Variants in FUT8 observed in about 807,000 individuals in gnomAD.
FUT8 encodes alpha-(1,6)-fucosyltransferase.
Under a neutral mutation model 71.3 loss-of-function variants are expected in FUT8, and 29 were observed. The observed-to-expected ratio is 0.41, with a 90% CI of 0.30 to 0.55. The LOEUF (loss-of-function observed/expected upper bound fraction) is 0.55, where lower values mean the gene tolerates loss of function less well. Among genes scored for constraint, FUT8 ranks in the 20% least tolerant of loss-of-function variants. FUT8 has a pLI of 0.34. For synonymous variants in FUT8, 254 were observed against 239.3 expected (o/e 1.06, Z -0.57); for missense variants, 544 against 702.1 (o/e 0.77, Z 2.55).
intron 7 of FUT8, among the ~76,000 whole-genome samples, chr14:65,713,522 G>A (rs990186332): frequency 6.6e-6 from 1 of 152,190 alleles, no homozygotes; most frequent in African/African-American, 2.4e-5. Flanking sequence ...CCCACCAACA[G>A]TGTATGAGGG....
At chr14:65,588,710 A>G (rs1163870003) in intron 3 of FUT8, among the ~76,000 whole-genome samples, 1 of 68,098 alleles carries the variant, frequency 1.5e-5, no homozygotes, top group Admixed American at 1.7e-4. Flanking sequence ...TGAAAATAAG[A>G]TATTTTGAGA....
At chr14:65,525,248 A>G (rs1883371205) in intron 2 of FUT8, among the ~76,000 whole-genome samples, 1 of 152,088 alleles carries the variant, frequency 6.6e-6, no homozygotes, top group Non-Finnish European at 1.5e-5. Context: ...AGAGCCTGTG[A>G]TTGGTCTATT....
At chr14:65,700,783 T>C (rs1894254111) in intron 7 of FUT8, among the ~76,000 whole-genome samples, 1 of 152,224 alleles carries the variant, frequency 6.6e-6, no homozygotes, top group Non-Finnish European at 1.5e-5. Flanking sequence ...TTTGGATTTT[T>C]GTAAGCTTTG....
intron 5 of FUT8, among the ~76,000 whole-genome samples, chr14:65,621,660 C>A (rs576969336): frequency 5.9e-5 from 9 of 152,304 alleles, no homozygotes; most frequent in African/African-American, 2.2e-4. Context: ...CTCCCGAGTT[C>A]AAGCGATTAT....
intron 6 of FUT8, among the ~76,000 whole-genome samples, chr14:65,654,182 A>G (rs1394669067): frequency 6.6e-6 from 1 of 152,240 alleles, no homozygotes; most frequent in Non-Finnish European, 1.5e-5. Flanking sequence ...TGGGGAGAGT[A>G]AAGGAACCTA....
chr14:65,521,963 A>T (rs1848903562), intron 2 of FUT8, among the ~76,000 whole-genome samples: 1 of 152,020 alleles, frequency 6.6e-6, no homozygotes, highest in African/African-American at 2.4e-5. Flanking sequence ...GTTATGCATG[A>T]GAAGACATGT....
chr14:65,385,538 G>C, the FUT8 span, among the ~76,000 whole-genome samples: 1 of 151,732 alleles, frequency 6.6e-6, no homozygotes, highest in African/African-American at 2.4e-5. Flanking sequence ...GTACATTAAT[G>C]GTTTTGACTC....
Position 65,700,881 on chromosome 14 carries a change from A to G in FUT8, c.836-20894A>G, listed in dbSNP as rs1594914411. Among the ~76,000 whole-genome samples the G allele has an allele frequency of 3.3e-5, 5 of 152,330 alleles. No individual in the cohort carries two copies. In the South Asian group the frequency reaches 1.0e-3, roughly 32 times the overall value. ...GGGGATCACCACTCTTTTAAATAAA[A>G]TGATTTGTCTTCTTTATTAGACCAT... On this transcript the variant is annotated intron_variant, in intron 7 of 10. Coordinates refer to ENST00000673929, the MANE Select transcript of FUT8 (RefSeq NM_001371533.1).
the FUT8 span, among the ~76,000 whole-genome samples, chr14:65,382,065 C>T: frequency 4.6e-5 from 7 of 152,226 alleles, no homozygotes; most frequent in Admixed American, 4.6e-4. Flanking sequence ...GGCTTCTTCC[C>T]ATTCTTCTTT....
At chr14:65,409,823 AC>A (rs1209919894), upstream of FUT8, among the ~76,000 whole-genome samples, 1 of 152,238 alleles carries the variant, frequency 6.6e-6, no homozygotes, top group Non-Finnish European at 1.5e-5. This position sits in a 1 kb window ranked among gnomAD's most constrained non-coding sequence, Gnocchi z 5.4. Flanking sequence ...ACAGATCATA[AC>A]GATTGTTCTG....
At chr14:65,645,667 A>G (rs1371064940) in intron 6 of FUT8, among the ~76,000 whole-genome samples, 3 of 152,230 alleles carry the variant, frequency 2.0e-5, no homozygotes, top group Non-Finnish European at 2.9e-5. Context: ...AATGGTTCAT[A>G]TAATTGCTTG....
chr14:65,547,285 C>T (rs1885037202), intron 2 of FUT8, among the ~76,000 whole-genome samples: 1 of 151,492 alleles, frequency 6.6e-6, no homozygotes, highest in Admixed American at 6.6e-5. Context: ...CGTATTTCAC[C>T]AAACTTTCAA....
intron 2 of FUT8, among the ~76,000 whole-genome samples, chr14:65,485,276 CTGGT>C (rs2066392166): frequency 6.6e-6 from 1 of 152,186 alleles, no homozygotes; most frequent in East Asian, 1.9e-4. Flanking sequence ...CTTTGCATAT[CTGGT>C]AATCTTCAGC....
At chr14:65,616,399 T>C in intron 5 of FUT8, 26 bp downstream of exon 5, 1 of 1,524,868 alleles carries the variant, frequency 6.6e-7, no homozygotes. Context: ...CACATTTTAT[T>C]TGGGCTTTAG....
intron 3 of FUT8, among the ~76,000 whole-genome samples, chr14:65,587,205 A>T (rs1049176809): frequency 6.6e-6 from 1 of 151,690 alleles, no homozygotes; most frequent in Non-Finnish European, 1.5e-5. Context: ...AAAAAAAACA[A>T]AAAAAACTAA....
intron 3 of FUT8, among the ~76,000 whole-genome samples, chr14:65,600,547 T>C (rs540034705): frequency 6.6e-6 from 1 of 152,238 alleles, no homozygotes; most frequent in South Asian, 2.1e-4. Flanking sequence ...GGGGATGGGT[T>C]AAGAGATGAT....
At chr14:65,601,977 A>T (rs1054269054) in intron 3 of FUT8, among the ~76,000 whole-genome samples, 11 of 152,020 alleles carry the variant, frequency 7.2e-5, no homozygotes, top group African/African-American at 2.2e-4. Flanking sequence ...GATGGTTTTT[A>T]AAAAAATTTT....
At chr14:65,382,513 T>C in the FUT8 span, among the ~76,000 whole-genome samples, 1 of 152,108 alleles carries the variant, frequency 6.6e-6, no homozygotes, top group Non-Finnish European at 1.5e-5. Flanking sequence ...TTTTTTAAAA[T>C]GTTTTTAGTA....
intron 2 of FUT8, among the ~76,000 whole-genome samples, chr14:65,517,624 T>C (rs1882800696): frequency 6.6e-6 from 1 of 152,174 alleles, no homozygotes; most frequent in Admixed American, 6.6e-5. Context: ...CATATCAACA[T>C]GGAAATTAGA....
Sources: allele counts gnomAD v4.1 joint callset (sites outside exome capture counted in the v4.1 genomes callset), GRCh38; gene constraint gnomAD v4.1.1; non-coding constraint Gnocchi (gnomAD v3.1); transcripts MANE v1.5; gene names NCBI Gene and HGNC (gene_info 2026-07-23, HGNC 2026-07-21).